Variants in MEGF11 observed in about 807,000 individuals in gnomAD.
The protein encoded by MEGF11 is multiple EGF like domains 11.
Under a neutral mutation model 146.6 loss-of-function variants are expected in MEGF11, and 126 were observed. The ratio of observed to expected loss-of-function variants is 0.86; its 90% confidence interval spans 0.74 to 1.00. MEGF11 has a LOEUF of 1.00. Among genes scored for constraint, MEGF11 ranks in the 50% least tolerant of loss-of-function variants. The pLI, the probability that MEGF11 is intolerant of heterozygous loss-of-function variation, is 0.00. For missense variants in MEGF11, 1,509 were observed against 1,521.2 expected (o/e 0.99, Z 0.13); for synonymous variants, 532 against 583.4 (o/e 0.91, Z 1.27).
In MEGF11 at chr15:66,068,407, C is replaced by T. The variant is rs576255009; in HGVS notation, c.394+25995G>A. On this transcript the variant is annotated intron_variant, in intron 5 of 25. Transcript: ENST00000395614. Reference sequence around the variant, plus strand: ...TGGCTACGACCCACCACATACCAATCGTGCTCTTTCTCCACAACTGTGACA... The same window carrying T: ...TGGCTACGACCCACCACATACCAATTGTGCTCTTTCTCCACAACTGTGACA... Among the ~76,000 whole-genome samples, 99 of 152,328 alleles carry T rather than the reference C, an allele frequency of 6.5e-4. 1 individual carries two copies. The highest frequency in any genetic ancestry group is 5.9e-4 in the Admixed American group (9 of 15,304).
At chr15:66,162,190 A>G (rs1213626357) in intron 1 of MEGF11, among the ~76,000 whole-genome samples, 1 of 152,210 alleles carries the variant, frequency 6.6e-6, no homozygotes, top group East Asian at 1.9e-4. Context: ...AGTAAGGTTC[A>G]GGCTGAGCCC....
chr15:66,180,020 C>T (rs1177918342), intron 1 of MEGF11, among the ~76,000 whole-genome samples: 1 of 152,148 alleles, frequency 6.6e-6, no homozygotes, highest in African/African-American at 2.4e-5. Context: ...TTCTTCCTGC[C>T]AACTCTATAA....
intron 1 of MEGF11, among the ~76,000 whole-genome samples, chr15:66,178,139 C>G (rs2090440767): frequency 6.6e-6 from 1 of 152,152 alleles, no homozygotes; most frequent in African/African-American, 2.4e-5. Flanking sequence ...TACAGGCTAA[C>G]CATGCGCTGC....
At chr15:65,984,146 C>T (rs1459664252) in intron 5 of MEGF11, among the ~76,000 whole-genome samples, 1 of 152,156 alleles carries the variant, frequency 6.6e-6, no homozygotes, top group East Asian at 1.9e-4. Flanking sequence ...ATGAGTGAGT[C>T]TCACCCTATA....
At chr15:65,913,297 C>G (rs1361704552) in intron 20 of MEGF11, among the ~76,000 whole-genome samples, 1 of 152,170 alleles carries the variant, frequency 6.6e-6, no homozygotes, top group Non-Finnish European at 1.5e-5. Context: ...TAACTGGGAA[C>G]TGGGAAGGAG....
chr15:66,009,917 G>A (rs2082656484), intron 5 of MEGF11, among the ~76,000 whole-genome samples: 1 of 152,120 alleles, frequency 6.6e-6, no homozygotes, highest in African/African-American at 2.4e-5. Context: ...TAAAGAAAAG[G>A]TGGGTAGGGG....
chr15:66,062,167 T>A (rs2084932649), intron 5 of MEGF11, among the ~76,000 whole-genome samples: 1 of 152,210 alleles, frequency 6.6e-6, no homozygotes, highest in Admixed American at 6.5e-5. Flanking sequence ...GGAAGCTCTT[T>A]CCAGGCACAG....
At chr15:65,918,161 T>G in intron 15 of MEGF11, 67 bp from the exon 16 acceptor site, 2 of 1,598,012 alleles carry the variant, frequency 1.3e-6, no homozygotes, top group Non-Finnish European at 1.7e-6. Context: ...ACCCACAGCC[T>G]CATCCCTAGA....
intron 1 of MEGF11, among the ~76,000 whole-genome samples, chr15:66,142,529 T>C (rs1466310667): frequency 2.6e-5 from 4 of 152,164 alleles, no homozygotes; most frequent in Non-Finnish European, 5.9e-5. Flanking sequence ...TGTGCATATA[T>C]ATGTCTCAGT....
intron 19 of MEGF11, chr15:65,914,197 A>T: frequency 1.8e-6 from 1 of 570,670 alleles, no homozygotes; most frequent in Admixed American, 3.0e-5. Context: ...GTGACTGTCG[A>T]TGTGAAACAA....
At chr15:66,074,155 T>A (rs2085479709) in intron 5 of MEGF11, among the ~76,000 whole-genome samples, 1 of 152,198 alleles carries the variant, frequency 6.6e-6, no homozygotes, top group Non-Finnish European at 1.5e-5. Context: ...CTGACTGGTT[T>A]GATGTGGATC....
intron 4 of MEGF11, among the ~76,000 whole-genome samples, chr15:66,106,322 C>T (rs2087078368): frequency 6.6e-6 from 1 of 152,272 alleles, no homozygotes. Flanking sequence ...ATGTAATATA[C>T]ACATACAGCA....
chr15:66,090,818 T>C (rs998413768), intron 5 of MEGF11, among the ~76,000 whole-genome samples: 4 of 152,198 alleles, frequency 2.6e-5, no homozygotes, highest in African/African-American at 9.7e-5. Context: ...AATGAGTGCA[T>C]GACATAAAGT....
intron 1 of MEGF11, among the ~76,000 whole-genome samples, chr15:66,170,175 C>T (rs997750337): frequency 8.6e-4 from 131 of 152,170 alleles, no homozygotes; most frequent in African/African-American, 3.0e-3. Flanking sequence ...TGAGTCAGAA[C>T]CTGGGTGCGT....
intron 5 of MEGF11, among the ~76,000 whole-genome samples, chr15:66,019,736 T>A (rs1478339940): frequency 6.6e-6 from 1 of 152,254 alleles, no homozygotes; most frequent in Non-Finnish European, 1.5e-5. Flanking sequence ...GAGCCTCTGT[T>A]TCTTCTCCTC....
chr15:65,958,513 C>T (rs980653662), intron 9 of MEGF11, among the ~76,000 whole-genome samples: 2 of 152,132 alleles, frequency 1.3e-5, no homozygotes, highest in East Asian at 1.9e-4. Context: ...GACCTATGGC[C>T]CCAGTGCTGA....
intron 8 of MEGF11, 140 bp downstream of exon 8, chr15:65,970,413 C>T (rs2081263560): frequency 3.2e-6 from 3 of 942,736 alleles, no homozygotes; most frequent in Non-Finnish European, 4.6e-6. Flanking sequence ...TGCCAACCCT[C>T]CCTGGCAGGA....
chr15:65,991,494 C>G (rs76732082), intron 5 of MEGF11, among the ~76,000 whole-genome samples: 1,932 of 152,268 alleles, frequency 0.013, 41 homozygotes, highest in African/African-American at 0.042. Flanking sequence ...CTATGGGGAA[C>G]CATCCTGTGC....
intron 1 of MEGF11, among the ~76,000 whole-genome samples, chr15:66,187,307 C>T (rs942057292): frequency 2.6e-5 from 4 of 152,222 alleles, no homozygotes; most frequent in African/African-American, 9.6e-5. Flanking sequence ...CCATCCCTCT[C>T]TCTGTGAAAG....
Sources: allele counts gnomAD v4.1 joint callset (sites outside exome capture counted in the v4.1 genomes callset), GRCh38; gene constraint gnomAD v4.1.1; transcripts MANE v1.5; gene names NCBI Gene and HGNC (gene_info 2026-07-23, HGNC 2026-07-21).